Variants in MAGI1 observed in about 807,000 individuals in gnomAD.
MAGI1 encodes membrane associated guanylate kinase, WW and PDZ domain containing 1.
MAGI1 carries 58 observed loss-of-function variants against 139.9 expected under a neutral mutation model. That is an observed-to-expected ratio of 0.41 (90% CI 0.34 to 0.52). The LOEUF (loss-of-function observed/expected upper bound fraction) is 0.52, where lower values mean the gene tolerates loss of function less well. Ranked by LOEUF, MAGI1 falls within the 20% of genes least tolerant of loss-of-function variation. The pLI, the probability that MAGI1 is intolerant of heterozygous loss-of-function variation, is 0.12. For missense variants in MAGI1, 1,874 were observed against 1,901.6 expected, an observed-to-expected ratio of 0.99 and a Z score of 0.27; for synonymous variants, 812 against 737.9, an observed-to-expected ratio of 1.10 and a Z score of -1.63.
chr3:65,400,750 ATTTTTTT>A lies in MAGI1; in HGVS notation c.2199+682_2199+688del, dbSNP rs767598706. Reference sequence around the variant, plus strand: ...GATTGGAAAGGACAGCAAAACATTGATTTTTTTTTTTTTTTTTTTTTTTTTTTTTTTT... The same window carrying A: ...GATTGGAAAGGACAGCAAAACATTGATTTTTTTTTTTTTTTTTTTTTTTTT... On this transcript the variant is annotated intron_variant, in intron 13 of 22. Coordinates refer to ENST00000402939, the MANE Select transcript of MAGI1 (RefSeq NM_001033057.2). Among the ~76,000 whole-genome samples, 160 of 60,578 alleles carry A rather than the reference ATTTTTTT, an allele frequency of 2.6e-3. 4 individuals are homozygous for A. Among genetic ancestry groups the A allele is most frequent in the African/African-American group, 9.4e-3 (140 of 14,884 alleles). 39.7% of individuals were successfully genotyped at this position (60,578 alleles called of 152,430 possible).
At chr3:65,507,510 T>G (rs531473065) in intron 2 of MAGI1, among the ~76,000 whole-genome samples, 2 of 152,222 alleles carry the variant, frequency 1.3e-5, no homozygotes, top group Non-Finnish European at 2.9e-5. Flanking sequence ...TCTGGTGTTG[T>G]TCGTAACATG....
At chr3:65,402,149 C>G (rs865919538) in intron 12 of MAGI1, among the ~76,000 whole-genome samples, 4 of 152,152 alleles carry the variant, frequency 2.6e-5, no homozygotes, top group African/African-American at 9.7e-5. Context: ...CAACCTCCTA[C>G]TCACAGCTTG....
chr3:65,678,520 T>C (rs2107501153), intron 1 of MAGI1, among the ~76,000 whole-genome samples: 1 of 152,242 alleles, frequency 6.6e-6, no homozygotes, highest in Middle Eastern at 3.4e-3. Flanking sequence ...AAGGGAAACG[T>C]ACATACAGAT....
intron 1 of MAGI1, among the ~76,000 whole-genome samples, chr3:65,891,929 TATATATA>T (rs1321544018): frequency 6.6e-5 from 7 of 105,684 alleles, no homozygotes; most frequent in African/African-American, 2.3e-4. Flanking sequence ...TATATATATA[TATATATA>T]TATATACCCG....
At chr3:65,608,515 C>A (rs754048476) in intron 2 of MAGI1, among the ~76,000 whole-genome samples, 5 of 151,888 alleles carry the variant, frequency 3.3e-5, no homozygotes, top group Non-Finnish European at 7.4e-5. Flanking sequence ...TCCAAATAGA[C>A]AATGAGCATT....
intron 1 of MAGI1, among the ~76,000 whole-genome samples, chr3:65,624,196 T>G (rs1457801211): frequency 2.0e-5 from 3 of 152,086 alleles, no homozygotes; most frequent in Non-Finnish European, 4.4e-5. Context: ...TTCGTCCTCT[T>G]AGGAAAACAA....
chr3:65,847,066 GT>G (rs1286617514), intron 1 of MAGI1, among the ~76,000 whole-genome samples: 1 of 147,324 alleles, frequency 6.8e-6, no homozygotes, highest in African/African-American at 2.6e-5. Context: ...CTACCCTGAA[GT>G]TCGGTACTTA....
At chr3:65,841,659 C>T (rs1040990833) in intron 1 of MAGI1, among the ~76,000 whole-genome samples, 5 of 152,030 alleles carry the variant, frequency 3.3e-5, no homozygotes, top group African/African-American at 1.2e-4. Flanking sequence ...AACTCCTGAC[C>T]TCATGATCCA....
rs138424881 is a variant in MAGI1, at chr3:65,723,766, C to T, written c.314-101678G>A. 6.4e-4 allele frequency among the ~76,000 whole-genome samples: 97 copies of T among 152,236 alleles called. 1 individual carries two copies. In the East Asian group the frequency reaches 0.015, roughly 24 times the overall value. On this transcript the variant is annotated intron_variant, in intron 1 of 22. Coordinates refer to ENST00000402939, the MANE Select transcript of MAGI1 (RefSeq NM_001033057.2). ...TTAGTACTTTTGACATGTAAAAATGCACATCATAATCACAGTTTTGGTGGA... is the reference window on the plus strand; with the variant it reads ...TTAGTACTTTTGACATGTAAAAATGTACATCATAATCACAGTTTTGGTGGA...
chr3:65,432,197 T>C (rs918208367), intron 10 of MAGI1, among the ~76,000 whole-genome samples: 1 of 152,142 alleles, frequency 6.6e-6, no homozygotes, highest in East Asian at 1.9e-4. Flanking sequence ...TTATCCCAAG[T>C]AGTAGACCTA....
chr3:66,017,302 A>C (rs556601171), intron 1 of MAGI1, among the ~76,000 whole-genome samples: 1 of 152,270 alleles, frequency 6.6e-6, no homozygotes, highest in African/African-American at 2.4e-5. Flanking sequence ...AGATGGAAAA[A>C]CCGGGAAGCT....
chr3:65,973,805 T>C (rs796434820), intron 1 of MAGI1, among the ~76,000 whole-genome samples: 1 of 152,356 alleles, frequency 6.6e-6, no homozygotes, highest in African/African-American at 2.4e-5. Context: ...TTATTATTTA[T>C]TTGACCCAAG....
At chr3:65,775,503 A>G (rs1481641561) in intron 1 of MAGI1, among the ~76,000 whole-genome samples, 2 of 13,818 alleles carry the variant, frequency 1.4e-4, no homozygotes, top group South Asian at 6.1e-3. Context: ...CCACTCTGCC[A>G]AAAAAAAAAA....
At chr3:65,992,909 T>C (rs2066254034) in intron 1 of MAGI1, among the ~76,000 whole-genome samples, 1 of 152,128 alleles carries the variant, frequency 6.6e-6, no homozygotes, top group Non-Finnish European at 1.5e-5. Context: ...CACTGCAGCC[T>C]CAATCTCCTG....
intron 1 of MAGI1, among the ~76,000 whole-genome samples, chr3:65,803,854 T>C (rs2040672880): frequency 6.6e-6 from 1 of 152,174 alleles, no homozygotes. Context: ...GAAAACCAAG[T>C]ACTGAAAAAT....
chr3:65,719,017 C>CAAAAAAAAAAAAAAAAAAAA (rs57290579), intron 1 of MAGI1, among the ~76,000 whole-genome samples: 1 of 96,390 alleles, frequency 1.0e-5, no homozygotes, highest in Non-Finnish European at 2.1e-5. Flanking sequence ...ATAACCCTAC[C>CAAAAAAAAAAAAAAAAAAAA]AAAAAAAAAA....
chr3:65,687,694 G>A, intron 1 of MAGI1: 2 of 518,632 alleles, frequency 3.9e-6, no homozygotes, highest in Non-Finnish European at 7.8e-6. Context: ...GCCAAGGCTG[G>A]AAGCTGTTGC....
At chr3:65,672,888 G>T (rs934318258) in intron 1 of MAGI1, among the ~76,000 whole-genome samples, 2 of 152,160 alleles carry the variant, frequency 1.3e-5, no homozygotes. Flanking sequence ...TAAAATTATA[G>T]TAGAAGGGAA....
At chr3:65,774,626 T>C (rs149906564) in intron 1 of MAGI1, among the ~76,000 whole-genome samples, 1 of 152,280 alleles carries the variant, frequency 6.6e-6, no homozygotes, top group Non-Finnish European at 1.5e-5. Context: ...TGTGCACCCA[T>C]TCTTAACCCT....
Sources: allele counts gnomAD v4.1 joint callset (sites outside exome capture counted in the v4.1 genomes callset), GRCh38; gene constraint gnomAD v4.1.1; transcripts MANE v1.5; gene names NCBI Gene and HGNC (gene_info 2026-07-23, HGNC 2026-07-21).